NCAM2: variants seen among roughly 807,000 people sequenced by gnomAD.
The protein encoded by NCAM2 is neural cell adhesion molecule 2.
In NCAM2, 30 loss-of-function variants were observed where a neutral mutation model predicts 98.1. That is an observed-to-expected ratio of 0.31 (90% CI 0.23 to 0.41). The LOEUF (loss-of-function observed/expected upper bound fraction) is 0.41, where lower values mean the gene tolerates loss of function less well. Among genes scored for constraint, NCAM2 ranks in the 10% least tolerant of loss-of-function variants. The pLI is 1.00. For missense variants in NCAM2, 867 were observed against 1,005.8 expected (o/e 0.86, Z 1.87); for synonymous variants, 368 against 342.4 (o/e 1.07, Z -0.83).
chr21:21,495,305 C>T (rs1299764840), intron 15 of NCAM2, among the ~76,000 whole-genome samples: 2 of 151,758 alleles, frequency 1.3e-5, no homozygotes, highest in Non-Finnish European at 2.9e-5. Flanking sequence ...ATATAAGGGG[C>T]TGAGTCTATT....
chr21:21,380,087 G>T (rs1039259108), intron 9 of NCAM2, among the ~76,000 whole-genome samples: 2 of 152,068 alleles, frequency 1.3e-5, no homozygotes, highest in South Asian at 2.1e-4. Context: ...TTAAGGGTGG[G>T]TCTGCCTTTT....
At chr21:21,262,810 G>A (rs2071969302) in intron 1 of NCAM2, among the ~76,000 whole-genome samples, 1 of 152,066 alleles carries the variant, frequency 6.6e-6, no homozygotes, top group African/African-American at 2.4e-5. Context: ...CACGTGGCTG[G>A]GGAGGCCTCA....
At chr21:21,430,475 A>C (rs2077310461) in intron 11 of NCAM2, among the ~76,000 whole-genome samples, 1 of 147,874 alleles carries the variant, frequency 6.8e-6, no homozygotes, top group African/African-American at 2.5e-5. Flanking sequence ...AATTTAATTG[A>C]CTCACAGTTC....
chr21:21,481,428 T>A (rs939986963), intron 15 of NCAM2, among the ~76,000 whole-genome samples: 19 of 152,216 alleles, frequency 1.2e-4, no homozygotes, highest in Non-Finnish European at 2.8e-4. Flanking sequence ...TCAATGGAAC[T>A]GAACCAGAAC....
chr21:21,073,019 T>C (rs1251197153), intron 1 of NCAM2, among the ~76,000 whole-genome samples: 1 of 152,200 alleles, frequency 6.6e-6, no homozygotes, highest in Non-Finnish European at 1.5e-5. Context: ...GTGTACTTTA[T>C]GTCTCTCTGA....
intron 1 of NCAM2, among the ~76,000 whole-genome samples, chr21:21,078,265 A>G (rs1178207522): frequency 1.3e-5 from 2 of 152,194 alleles, no homozygotes; most frequent in Non-Finnish European, 2.9e-5. Flanking sequence ...TGCTTTAATC[A>G]TGTAAAAATT....
rs571919183 is a variant in NCAM2 at position 21,364,153 on chromosome 21, T to A, written c.1045-9710T>A. 2.6e-5 allele frequency among the ~76,000 whole-genome samples: 4 copies of A among 152,212 alleles called. No homozygotes were observed. In the South Asian group the frequency reaches 8.3e-4, roughly 32 times the overall value. On this transcript the variant is annotated intron_variant, in intron 8 of 17. Transcript: ENST00000400546. ...GAGATAGGTTGTTTCTATGTCTCTA[T>A]AACAAAAATAATTTGATGAAATTGC...
intron 6 of NCAM2, among the ~76,000 whole-genome samples, chr21:21,330,584 A>G (rs1397046545): frequency 6.6e-6 from 1 of 152,112 alleles, no homozygotes; most frequent in East Asian, 1.9e-4. Flanking sequence ...AATCCCTAAT[A>G]TTAAATAGAT....
intron 12 of NCAM2, among the ~76,000 whole-genome samples, chr21:21,435,016 TTTCATTTTTGGAGATAGAATA>T (rs202046857): frequency 0.076 from 11,569 of 152,144 alleles, 486 homozygotes; most frequent in East Asian, 0.16. Context: ...AGATAGAATA[TTTCATTTTTGGAGATAGAATA>T]TTCCTTTTTG....
rs775032518 is a variant in NCAM2 at position 21,306,939 on chromosome 21, A to G, written c.619+14698A>G. Among the ~76,000 whole-genome samples the G allele has an allele frequency of 3.3e-5, 5 of 151,794 alleles. No homozygotes were observed. In the South Asian group the frequency reaches 1.0e-3, roughly 32 times the overall value. ...TTAGATCCTACAAATAAGTGAGAGTATGCAATGTTTGCTCTTCTGTGCCTG... is the reference window on the plus strand; with the variant it reads ...TTAGATCCTACAAATAAGTGAGAGTGTGCAATGTTTGCTCTTCTGTGCCTG... On this transcript the variant is annotated intron_variant, in intron 5 of 17. Transcript: ENST00000400546.
chr21:21,264,955 G>GTATGTGTATATATACACATATATATTA (rs2072095554), intron 1 of NCAM2, among the ~76,000 whole-genome samples: 3 of 80,820 alleles, frequency 3.7e-5, no homozygotes, highest in African/African-American at 1.2e-4. Context: ...ATATATATGT[G>GTATGTGTATATATACACATATATATTA]TATGTGTATA....
intron 1 of NCAM2, chr21:21,210,514 G>A: frequency 3.1e-6 from 4 of 1,282,304 alleles, no homozygotes; most frequent in Non-Finnish European, 4.1e-6. Flanking sequence ...GGGTGTAAGA[G>A]ACTTAAAGAA....
Position 21,418,549 on chromosome 21 carries a change from A to G in NCAM2, c.1460A>G (p.Glu487Gly), listed in dbSNP as rs1234408663. ...AATCATATAGGAACAAGATTTCAAG[A>G]ATATATTCTTGCTTTGGCTGGTAAG... The part of the protein sequence containing the change: ...ATNHIGTRFQ[E>G]YILALADVPS... The change falls in exon 11 of 18, where the codon GAA becomes GGA. Residue 487 changes from glutamate (E) to glycine (G), a missense_variant. By Grantham distance (98) the Glu-to-Gly change is moderately conservative. Coordinates refer to ENST00000400546, the MANE Select transcript of NCAM2 (RefSeq NM_004540.5). 1 of 1,610,386 alleles carries G rather than the reference A, an allele frequency of 6.2e-7. No homozygotes were observed. Among genetic ancestry groups the G allele is most frequent in the Non-Finnish European group, 8.5e-7 (1 of 1,176,910 alleles).
intron 1 of NCAM2, among the ~76,000 whole-genome samples, chr21:21,216,805 T>C (rs552247187): frequency 1.3e-5 from 2 of 152,306 alleles, no homozygotes; most frequent in East Asian, 3.9e-4. Flanking sequence ...GAGAGTCTGC[T>C]TCAGGTTCCC....
intron 1 of NCAM2, among the ~76,000 whole-genome samples, chr21:21,168,603 A>G (rs1011063005): frequency 1.3e-5 from 2 of 152,190 alleles, no homozygotes; most frequent in African/African-American, 2.4e-5. Context: ...AATTATAGCA[A>G]CGTTGAAGAT....
At chr21:21,247,655 T>TA (rs1261039064) in intron 1 of NCAM2, among the ~76,000 whole-genome samples, 1 of 152,190 alleles carries the variant, frequency 6.6e-6, no homozygotes, top group Non-Finnish European at 1.5e-5. Flanking sequence ...TTGCTTTAGA[T>TA]AGAGTCATAT....
At chr21:21,219,339 A>G (rs968922575) in intron 1 of NCAM2, among the ~76,000 whole-genome samples, 3 of 152,192 alleles carry the variant, frequency 2.0e-5, no homozygotes, top group Admixed American at 1.3e-4. Flanking sequence ...TGCAAAAGTA[A>G]ATTGGCTTAA....
intron 9 of NCAM2, among the ~76,000 whole-genome samples, chr21:21,374,401 TG>T (rs1270046704): frequency 6.6e-6 from 1 of 151,912 alleles, no homozygotes. Context: ...TTATTCAAAT[TG>T]TTTTGTTAGG....
intron 12 of NCAM2, among the ~76,000 whole-genome samples, chr21:21,443,218 T>C (rs559784621): frequency 2.0e-5 from 3 of 151,708 alleles, no homozygotes; most frequent in Admixed American, 6.6e-5. Context: ...TAAGTGGGAG[T>C]TGAACAATGA....
Sources: allele counts gnomAD v4.1 joint callset (sites outside exome capture counted in the v4.1 genomes callset), GRCh38; gene constraint gnomAD v4.1.1; transcripts MANE v1.5; gene names NCBI Gene and HGNC (gene_info 2026-07-23, HGNC 2026-07-21).